Variants in SLC1A6 observed in about 807,000 individuals in gnomAD.
SLC1A6 encodes the protein excitatory amino acid transporter 4.
SLC1A6 carries 15 observed loss-of-function variants against 42.1 expected under a neutral mutation model. The ratio of observed to expected loss-of-function variants is 0.36; its 90% confidence interval spans 0.24 to 0.55. The LOEUF (loss-of-function observed/expected upper bound fraction) is 0.55. SLC1A6 is among the 20% of genes least tolerant of loss of function. The pLI, the probability that SLC1A6 is intolerant of heterozygous loss-of-function variation, is 0.88. For synonymous variants in SLC1A6, 317 were observed against 319.7 expected (o/e 0.99, Z 0.09); for missense variants, 542 against 772.5 (o/e 0.70, Z 3.54).
chr19:14,988,427 C>A (rs1302922820), intron 1 of SLC1A6, among the ~76,000 whole-genome samples: 3 of 152,264 alleles, frequency 2.0e-5, no homozygotes, highest in East Asian at 3.9e-4. Context: ...CTCTGTGAAA[C>A]CTTATGTTCA....
intron 1 of SLC1A6, among the ~76,000 whole-genome samples, chr19:14,999,927 G>A (rs2045865057): frequency 6.6e-6 from 1 of 152,040 alleles, no homozygotes; most frequent in Non-Finnish European, 1.5e-5. Context: ...CATGTGCTAT[G>A]TTGGTGTGCT....
At chr19:14,994,994 C>T (rs1205862068) in intron 1 of SLC1A6, among the ~76,000 whole-genome samples, 1 of 152,062 alleles carries the variant, frequency 6.6e-6, no homozygotes, top group Non-Finnish European at 1.5e-5. Context: ...TGATCTCACT[C>T]ATATGTGGAA....
At chr19:15,007,403 A>C (rs928170047) in intron 1 of SLC1A6, among the ~76,000 whole-genome samples, 3 of 152,130 alleles carry the variant, frequency 2.0e-5, no homozygotes, top group Non-Finnish European at 4.4e-5. Context: ...AATGAGAGTG[A>C]GCGCTCGTGG....
At position 14,956,537 on chromosome 19, in the gene SLC1A6, G is replaced by C; in HGVS notation, c.1108C>G (p.Pro370Ala). ...LIYFLVTHRN[P>A]FPFIGGMLQA... The stretch of plus-strand genomic sequence containing the variant: ...AGCATGCCCCCAATGAAGGGGAAGG[G>C]GTTCCGGTGAGTGACGAGGAAGTAG... Residue 370 changes from proline to alanine, a missense_variant, in exon 7 of 10, where the codon CCC becomes GCC. Transcript: ENST00000594383. 3 of 1,612,294 alleles carry C rather than the reference G, an allele frequency of 1.9e-6. No homozygotes were observed. The highest frequency in any genetic ancestry group is 2.5e-6 in the Non-Finnish European group (3 of 1,179,066).
chr19:14,986,484 T>C (rs1414900852), intron 1 of SLC1A6, among the ~76,000 whole-genome samples: 2 of 151,008 alleles, frequency 1.3e-5, no homozygotes, highest in East Asian at 3.9e-4. Context: ...GATTGCACCA[T>C]TGCACTCCAG....
At chr19:14,995,367 AAAGGGAAGGG>A (rs59539996) in intron 1 of SLC1A6, among the ~76,000 whole-genome samples, 9 of 115,926 alleles carry the variant, frequency 7.8e-5, no homozygotes, top group South Asian at 2.9e-4. Flanking sequence ...GAAAGAAAGA[AAAGGGAAGGG>A]AAGGGAAGGG....
At chr19:14,972,945 G>T in intron 1 of SLC1A6, 28 bp from the exon 2 acceptor site, 3 of 1,521,184 alleles carry the variant, frequency 2.0e-6, no homozygotes, top group Non-Finnish European at 2.7e-6. Flanking sequence ...GCCTGGGGCT[G>T]GTGAGGGCCA....
At chr19:14,952,353 C>T (rs1011692667) in intron 9 of SLC1A6, among the ~76,000 whole-genome samples, 1 of 151,452 alleles carries the variant, frequency 6.6e-6, no homozygotes, top group Admixed American at 6.6e-5. Context: ...TCGAGACCAT[C>T]CTGGCTAACA....
chr19:14,959,916 C>T (rs2045494385), intron 6 of SLC1A6, among the ~76,000 whole-genome samples: 1 of 152,176 alleles, frequency 6.6e-6, no homozygotes, highest in Admixed American at 6.5e-5. Context: ...TTTAAATGTT[C>T]CTTTACTACA....
At chr19:14,965,519 A>G (rs2045564126) in intron 4 of SLC1A6, among the ~76,000 whole-genome samples, 1 of 152,180 alleles carries the variant, frequency 6.6e-6, no homozygotes. Flanking sequence ...AGAACACATG[A>G]TATATGTACA....
chr19:15,006,054 A>G (rs975805293), intron 1 of SLC1A6, among the ~76,000 whole-genome samples: 1 of 152,098 alleles, frequency 6.6e-6, no homozygotes, highest in African/African-American at 2.4e-5. Context: ...TCTTTGTGAA[A>G]CCCTCTCTGG....
intron 1 of SLC1A6, among the ~76,000 whole-genome samples, chr19:14,987,896 T>C (rs1447579676): frequency 1.1e-4 from 16 of 152,316 alleles, no homozygotes; most frequent in Non-Finnish European, 1.5e-5. Context: ...TCTGACTCTG[T>C]TGCCCAGGCT....
At chr19:14,998,604 T>C (rs1451690481) in intron 1 of SLC1A6, among the ~76,000 whole-genome samples, 1 of 152,128 alleles carries the variant, frequency 6.6e-6, no homozygotes, top group Non-Finnish European at 1.5e-5. Context: ...TTAAGACTTT[T>C]TGTAGCAATA....
chr19:14,968,864 G>A (rs1174925780), intron 3 of SLC1A6, among the ~76,000 whole-genome samples: 1 of 147,474 alleles, frequency 6.8e-6, no homozygotes, highest in East Asian at 2.0e-4. Flanking sequence ...TTTTTTTTGA[G>A]ACGGACTCTC....
chr19:15,006,699 G>GA (rs771036527), intron 1 of SLC1A6, among the ~76,000 whole-genome samples: 2 of 145,574 alleles, frequency 1.4e-5, no homozygotes, highest in African/African-American at 2.6e-5. Context: ...CGAGGCAGGA[G>GA]AATTACTTAA....
chr19:14,998,385 A>G (rs147579138), intron 1 of SLC1A6, among the ~76,000 whole-genome samples: 69 of 152,262 alleles, frequency 4.5e-4, no homozygotes, highest in African/African-American at 1.6e-3. Flanking sequence ...TTCTAAAAAT[A>G]CAAAAATTAG....
rs756276624 is a variant in SLC1A6 at position 14,953,015 on chromosome 19, G to A, written c.1412C>T (p.Ala471Val). 4.3e-6 allele frequency: 7 copies of A among 1,613,816 alleles called. No individual in the cohort carries two copies. Among genetic ancestry groups the A allele is most frequent in the East Asian group, 2.2e-5 (1 of 44,862 alleles). Residue 471 changes from alanine to valine, a missense_variant, in exon 9 of 10, where the codon GCG (alanine) becomes GTG (valine). Physicochemically the swap from Ala to Val is moderately conservative, Grantham distance 64 (BLOSUM62 0). This residue lies in a region of SLC1A6 where 54 missense variants were observed against 125.1 expected (regional missense o/e 0.43). Coordinates refer to ENST00000594383, the MANE Select transcript of SLC1A6 (RefSeq NM_005071.3). ...ASVGAAGIPQ[A>V]GLVTMVIVLT... ...CACAATGACCATGGTGACCAGACCC[G>A]CCTGGGGGATGCCAGCAGCCCCAAC...
Position 14,968,827 on chromosome 19 carries a change from CTT to C in SLC1A6, c.344-322_344-321del, listed in dbSNP as rs569618007. ...CATCCTCTATTGAGTCTTGTTTTCT[CTT>C]GTTTTGCACCATAACCTAACTATTT... On this transcript the variant is annotated intron_variant, in intron 3 of 9. Coordinates refer to ENST00000594383, the MANE Select transcript of SLC1A6 (RefSeq NM_005071.3). Among the ~76,000 whole-genome samples, 17 of 150,458 alleles carry C rather than the reference CTT, an allele frequency of 1.1e-4. No individual in the cohort carries two copies. The East Asian group carries it at 3.4e-3, about 30-fold the overall frequency.
At chr19:14,992,610 A>C (rs776925597) in intron 1 of SLC1A6, among the ~76,000 whole-genome samples, 9 of 151,682 alleles carry the variant, frequency 5.9e-5, no homozygotes, top group Non-Finnish European at 8.8e-5. Context: ...GTGAGCCAAG[A>C]TCATGCCACT....
Sources: allele counts gnomAD v4.1 joint callset (sites outside exome capture counted in the v4.1 genomes callset), GRCh38; gene constraint gnomAD v4.1.1; regional missense constraint gnomAD v4.1.1; transcripts MANE v1.5; gene names NCBI Gene and HGNC (gene_info 2026-07-23, HGNC 2026-07-21).